Variants in SAMD4A observed in about 807,000 individuals in gnomAD.
SAMD4A encodes the protein sterile alpha motif domain containing 4A, also known as protein Smaug homolog 1.
Under a neutral mutation model 81.3 loss-of-function variants are expected in SAMD4A, and 33 were observed. The ratio of observed to expected loss-of-function variants is 0.41; its 90% CI spans 0.31 to 0.54. The LOEUF is 0.54. Among genes scored for constraint, SAMD4A ranks in the 20% least tolerant of loss-of-function variants. The probability of loss-of-function intolerance (pLI) is 0.37; values close to 1 mark genes in which losing one functional copy is unlikely to be tolerated. For synonymous variants in SAMD4A, 389 were observed against 382.1 expected, an observed-to-expected ratio of 1.02 and a Z score of -0.21; for missense variants, 854 against 951.1, an observed-to-expected ratio of 0.90 and a Z score of 1.34.
intron 2 of SAMD4A, among the ~76,000 whole-genome samples, chr14:54,582,256 T>TA (rs2033490139): frequency 6.6e-6 from 1 of 152,126 alleles, no homozygotes; most frequent in African/African-American, 2.4e-5. Flanking sequence ...GTTTTTTTTT[T>TA]AATTTTATTT....
At chr14:54,765,459 C>A (rs1010644574) in intron 8 of SAMD4A, among the ~76,000 whole-genome samples, 20 of 97,592 alleles carry the variant, frequency 2.0e-4, no homozygotes, top group African/African-American at 4.4e-4. Context: ...CCTGTCACTA[C>A]GAAAAAAAAA....
At chr14:54,656,684 G>T (rs2035527149) in intron 2 of SAMD4A, among the ~76,000 whole-genome samples, 1 of 152,222 alleles carries the variant, frequency 6.6e-6, no homozygotes, top group Non-Finnish European at 1.5e-5. Flanking sequence ...CTGGAGGGCA[G>T]TGGCGCGATC....
chr14:54,709,408 G>A (rs992821269), intron 3 of SAMD4A, among the ~76,000 whole-genome samples: 1 of 151,752 alleles, frequency 6.6e-6, no homozygotes, highest in Non-Finnish European at 1.5e-5. Flanking sequence ...AATCTAATGA[G>A]AATCTACGTA....
chr14:54,739,996 C>G (rs550970271), intron 4 of SAMD4A, among the ~76,000 whole-genome samples: 4 of 152,270 alleles, frequency 2.6e-5, no homozygotes, highest in South Asian at 4.1e-4. Flanking sequence ...ATGGCAGAAC[C>G]CTTTCTCCAC....
chr14:54,675,311 A>T (rs11626875), intron 2 of SAMD4A, among the ~76,000 whole-genome samples: 98,752 of 147,582 alleles, frequency 0.67, 35,105 homozygotes, highest in Non-Finnish European at 0.8. Context: ...GGTTGCAGTG[A>T]GCCGAGATTG....
At position 54,754,699 on chromosome 14, in the gene SAMD4A, A is replaced by C. The variant is rs184273253; in HGVS notation, c.1176+3162A>C. On this transcript the variant is annotated intron_variant, in intron 6 of 12. Transcript: ENST00000554335. Reference sequence around the variant, plus strand: ...TGGGCTGATGATGCTGTTGGAAAAAAAGTCATCTGCCCTTGCCTGCCTCCC... The same window carrying C: ...TGGGCTGATGATGCTGTTGGAAAAACAGTCATCTGCCCTTGCCTGCCTCCC... 354 of 290,230 alleles carry C rather than the reference A, an allele frequency of 1.2e-3. 1 individual carries two copies. The highest frequency in any genetic ancestry group is 7.6e-3 in the African/African-American group (339 of 44,858). 18.0% of individuals were successfully genotyped at this position (290,230 alleles called of 1,614,324 possible).
chr14:54,738,072 G>T (rs973605200), intron 4 of SAMD4A, among the ~76,000 whole-genome samples: 5 of 152,216 alleles, frequency 3.3e-5, no homozygotes, highest in African/African-American at 1.2e-4. Flanking sequence ...AAGCCCTTAG[G>T]CAAAGATGCA....
intron 2 of SAMD4A, among the ~76,000 whole-genome samples, chr14:54,676,640 C>T (rs1235926059): frequency 6.6e-6 from 1 of 152,216 alleles, no homozygotes; most frequent in Admixed American, 6.5e-5. Flanking sequence ...GCCTCAGCCT[C>T]CCAGAGTGCT....
chr14:54,741,254 AAG>A (rs1450489725), intron 4 of SAMD4A, among the ~76,000 whole-genome samples: 2 of 152,172 alleles, frequency 1.3e-5, no homozygotes, highest in African/African-American at 4.8e-5. Flanking sequence ...GGCCAAGAAA[AAG>A]AGAGAGAGAA....
At chr14:54,621,052 A>G (rs1033977338) in intron 2 of SAMD4A, among the ~76,000 whole-genome samples, 11 of 152,202 alleles carry the variant, frequency 7.2e-5, no homozygotes, top group African/African-American at 2.7e-4. Flanking sequence ...GATTATAGGC[A>G]TGAGAGCCAC....
Position 54,751,503 on chromosome 14 carries a change from A to G in SAMD4A, c.1142A>G (p.Lys381Arg), listed in dbSNP as rs780018186. The part of the protein sequence containing the change: ...HKIVISIQKL[K>R]ERQNLLKSLE... ...ATTGTCATCAGTATTCAGAAGCTCA[A>G]AGAAAGACAAAATCTCCTGAAGTCT... Residue 381 changes from lysine to arginine, a missense_variant, in exon 6 of 13, where the codon AAA becomes AGA. Physicochemically the swap from Lys to Arg is conservative, Grantham distance 26. Around this residue, in one of 3 missense-constraint regions of SAMD4A, gnomAD observed 428 missense variants for 471.2 expected, o/e 0.91. Coordinates refer to ENST00000554335, the MANE Select transcript of SAMD4A (RefSeq NM_015589.6). 2 of 1,609,272 alleles carry G rather than the reference A, an allele frequency of 1.2e-6. No homozygotes were observed. The highest frequency in any genetic ancestry group is 1.7e-6 in the Non-Finnish European group (2 of 1,176,758).
At chr14:54,638,378 G>A (rs1314578441) in intron 2 of SAMD4A, among the ~76,000 whole-genome samples, 2 of 152,142 alleles carry the variant, frequency 1.3e-5, no homozygotes, top group South Asian at 2.1e-4. Context: ...AAATCCCTGC[G>A]TGCATTAATA....
At position 54,698,151 on chromosome 14, in the gene SAMD4A, AT is replaced by A. The variant is rs538200646; in HGVS notation, c.197-3907del. Among the ~76,000 whole-genome samples, 275 of 152,344 alleles carry A rather than the reference AT, an allele frequency of 1.8e-3. 2 individuals carry two copies. Among genetic ancestry groups the A allele is most frequent in the Non-Finnish European group, 2.4e-3 (166 of 68,032 alleles). On this transcript the variant is annotated intron_variant, in intron 2 of 12. Coordinates refer to ENST00000554335, the MANE Select transcript of SAMD4A (RefSeq NM_015589.6). ...GGTGTGTCAAATAAATAGTTAACAT[AT>A]TTTAAACCACAATAGGTATAACTTA...
intron 2 of SAMD4A, among the ~76,000 whole-genome samples, chr14:54,620,354 A>G (rs1215239795): frequency 3.4e-5 from 4 of 118,050 alleles, no homozygotes; most frequent in Non-Finnish European, 7.5e-5. Flanking sequence ...ACCATGTTGG[A>G]GCATCATCAT....
intron 12 of SAMD4A, among the ~76,000 whole-genome samples, 194 bp from the exon 13 acceptor site, chr14:54,788,722 T>C (rs1447629618): frequency 6.6e-6 from 1 of 152,240 alleles, no homozygotes; most frequent in Non-Finnish European, 1.5e-5. Context: ...TCAGGTTCAA[T>C]ATGGCTCCTG....
chr14:54,594,191 C>A (rs2140194751), intron 2 of SAMD4A, among the ~76,000 whole-genome samples: 1 of 152,286 alleles, frequency 6.6e-6, no homozygotes, highest in Non-Finnish European at 1.5e-5. Context: ...CTGTTAACAG[C>A]TCTGTTTATG....
intron 3 of SAMD4A, among the ~76,000 whole-genome samples, chr14:54,716,400 A>C (rs1186359983): frequency 6.6e-6 from 1 of 152,216 alleles, no homozygotes; most frequent in African/African-American, 2.4e-5. Flanking sequence ...CATAGTATTA[A>C]GAAATTGAAT....
chr14:54,766,160 T>G (rs956152249), intron 8 of SAMD4A, among the ~76,000 whole-genome samples: 2 of 152,246 alleles, frequency 1.3e-5, no homozygotes, highest in Non-Finnish European at 2.9e-5. Flanking sequence ...TATTTGTGAC[T>G]TTGTTTCAGG....
intron 2 of SAMD4A, among the ~76,000 whole-genome samples, chr14:54,695,629 T>G (rs1412303539): frequency 6.6e-6 from 1 of 152,174 alleles, no homozygotes; most frequent in African/African-American, 2.4e-5. Context: ...GAGGCCACCC[T>G]GGAAGCCCGC....
Sources: allele counts gnomAD v4.1 joint callset (sites outside exome capture counted in the v4.1 genomes callset), GRCh38; gene constraint gnomAD v4.1.1; regional missense constraint gnomAD v4.1.1; transcripts MANE v1.5; gene names NCBI Gene and HGNC (gene_info 2026-07-23, HGNC 2026-07-21).